MAD1L1: variants seen among roughly 807,000 people sequenced by gnomAD.
The protein encoded by MAD1L1 is mitotic spindle assembly checkpoint protein MAD1.
In MAD1L1, 95 loss-of-function variants were observed where a neutral mutation model predicts 96.9. The observed-to-expected ratio is 0.98, with a 90% CI of 0.83 to 1.16. The LOEUF (loss-of-function observed/expected upper bound fraction) is 1.16. Among genes scored for constraint, MAD1L1 ranks in the 50% most tolerant of loss-of-function variants. The pLI, the probability that MAD1L1 is intolerant of heterozygous loss-of-function variation, is 0.00. For missense variants in MAD1L1, 1,007 were observed against 954.4 expected, an observed-to-expected ratio of 1.06 and a Z score of -0.73; for synonymous variants, 473 against 396.6, an observed-to-expected ratio of 1.19 and a Z score of -2.29.
chr7:2,083,520 G>T (rs1313445644), intron 11 of MAD1L1, among the ~76,000 whole-genome samples: 1 of 152,236 alleles, frequency 6.6e-6, no homozygotes, highest in Admixed American at 6.5e-5. Context: ...TCAGCACTCG[G>T]GCAGGTAAAT....
chr7:1,989,788 T>C (rs1781324849), intron 14 of MAD1L1, among the ~76,000 whole-genome samples: 1 of 152,202 alleles, frequency 6.6e-6, no homozygotes, highest in Non-Finnish European at 1.5e-5. Context: ...AGCCTCAGTG[T>C]AGGCCGGCTG....
At position 2,112,702 on chromosome 7, in the gene MAD1L1, C is replaced by T. The variant is rs532074122; in HGVS notation, c.1073+36450G>A. Among the ~76,000 whole-genome samples, 537 of 152,304 alleles carry T rather than the reference C, an allele frequency of 3.5e-3. 2 individuals are homozygous for T. The highest frequency in any genetic ancestry group is 3.8e-3 in the Non-Finnish European group (261 of 68,026). ...GGGTGTCCACCGAGGGGCCCTGGGGCCCTGACACACCCGGAGCAGGCAGCA... is the reference window on the plus strand; with the variant it reads ...GGGTGTCCACCGAGGGGCCCTGGGGTCCTGACACACCCGGAGCAGGCAGCA... On this transcript the variant is annotated intron_variant, in intron 11 of 18. Coordinates refer to ENST00000265854, the MANE Select transcript of MAD1L1 (RefSeq NM_001013836.2).
At chr7:1,855,888 G>C (rs1784224447) in intron 18 of MAD1L1, among the ~76,000 whole-genome samples, 1 of 152,170 alleles carries the variant, frequency 6.6e-6, no homozygotes, top group South Asian at 2.1e-4. Context: ...CCAGCTGCTG[G>C]AACCCCACAG....
intron 10 of MAD1L1, among the ~76,000 whole-genome samples, chr7:2,186,270 G>C (rs1791455338): frequency 1.3e-5 from 2 of 152,180 alleles, no homozygotes; most frequent in Admixed American, 1.3e-4. Context: ...CACTAAATCT[G>C]TGTGTTAATA....
intron 10 of MAD1L1, among the ~76,000 whole-genome samples, chr7:2,178,181 C>G (rs1006989907): frequency 2.1e-4 from 32 of 152,232 alleles, no homozygotes; most frequent in African/African-American, 7.2e-4. Flanking sequence ...ATTTGTTGAA[C>G]TCAGCTTTGA....
At chr7:2,098,113 G>A (rs1786589168) in intron 11 of MAD1L1, among the ~76,000 whole-genome samples, 1 of 152,200 alleles carries the variant, frequency 6.6e-6, no homozygotes, top group Non-Finnish European at 1.5e-5. Context: ...ACAGATCAGT[G>A]AGGACGCCCG....
chr7:2,189,579 G>A (rs542758607), intron 10 of MAD1L1, among the ~76,000 whole-genome samples: 1 of 152,240 alleles, frequency 6.6e-6, no homozygotes, highest in African/African-American at 2.4e-5. Context: ...CCTTCTATGA[G>A]GTCCCTACTG....
intron 16 of MAD1L1, among the ~76,000 whole-genome samples, chr7:1,943,526 G>A (rs1015696398): frequency 3.3e-5 from 5 of 152,274 alleles, no homozygotes; most frequent in East Asian, 1.9e-4. Context: ...AAGCTGCTCG[G>A]CATCATCCGG....
chr7:2,196,509 T>C (rs1338586752), intron 10 of MAD1L1, among the ~76,000 whole-genome samples: 4 of 152,368 alleles, frequency 2.6e-5, no homozygotes, highest in Middle Eastern at 3.4e-3. Context: ...TTTTCATTGT[T>C]TAAAGCTGTC....
chr7:1,872,901 C>T (rs1785181208), intron 18 of MAD1L1: 1 of 152,402 alleles, frequency 6.6e-6, no homozygotes, highest in Admixed American at 6.5e-5. Context: ...TCAATTCAAA[C>T]ACCCAGGGTG....
At chr7:2,178,649 G>C (rs1024409692) in intron 10 of MAD1L1, among the ~76,000 whole-genome samples, 1 of 152,080 alleles carries the variant, frequency 6.6e-6, no homozygotes, top group Non-Finnish European at 1.5e-5. Context: ...GTAATCCTAG[G>C]ACTCTGGGAG....
At chr7:1,872,676 T>A (rs925183368) in intron 18 of MAD1L1, 1 of 152,316 alleles carries the variant, frequency 6.6e-6, no homozygotes, top group African/African-American at 2.4e-5. Context: ...TCCTCCTGGC[T>A]GCGGACTCCT....
chr7:2,201,483 CCA>C (rs1169865841), intron 10 of MAD1L1, among the ~76,000 whole-genome samples: 14 of 152,256 alleles, frequency 9.2e-5, no homozygotes, highest in African/African-American at 3.4e-4. Flanking sequence ...AAAAACCAGC[CCA>C]GATACCACCA....
At chr7:2,216,339 C>T (rs73041362) in intron 7 of MAD1L1, 52 bp from the exon 8 acceptor site, 55,185 of 1,582,248 alleles carry the variant, frequency 0.035, 1,133 homozygotes, top group Admixed American at 0.053. Flanking sequence ...ACGAAGAGAC[C>T]TGGAGAAAAT....
chr7:2,176,387 AT>A (rs1170702140), intron 10 of MAD1L1, among the ~76,000 whole-genome samples: 5 of 152,136 alleles, frequency 3.3e-5, no homozygotes, highest in African/African-American at 1.2e-4. Context: ...AATATTGAAC[AT>A]TTTCCCCCAG....
At chr7:2,137,374 G>A (rs951099723) in intron 11 of MAD1L1, among the ~76,000 whole-genome samples, 2 of 152,204 alleles carry the variant, frequency 1.3e-5, no homozygotes, top group Admixed American at 6.5e-5. Context: ...CTTCTCAAAC[G>A]TATATGGCAC....
chr7:1,837,148 G>T (rs1366302349), intron 18 of MAD1L1, among the ~76,000 whole-genome samples: 4 of 152,304 alleles, frequency 2.6e-5, no homozygotes, highest in Middle Eastern at 3.4e-3. Flanking sequence ...TAAATAATTA[G>T]CAGAAGATGT....
At chr7:1,911,263 G>A (rs189111034) in intron 17 of MAD1L1, among the ~76,000 whole-genome samples, 16 of 152,182 alleles carry the variant, frequency 1.1e-4, no homozygotes, top group African/African-American at 2.4e-4. Context: ...ACCTCTGCTC[G>A]GGGTCTTTCT....
At chr7:2,074,612 C>G (rs1785290497) in intron 11 of MAD1L1, among the ~76,000 whole-genome samples, 2 of 152,240 alleles carry the variant, frequency 1.3e-5, no homozygotes, top group Non-Finnish European at 2.9e-5. Flanking sequence ...AAAGAGCTGC[C>G]CCACTTGCCT....
Sources: allele counts gnomAD v4.1 joint callset (sites outside exome capture counted in the v4.1 genomes callset), GRCh38; gene constraint gnomAD v4.1.1; transcripts MANE v1.5; gene names NCBI Gene and HGNC (gene_info 2026-07-23, HGNC 2026-07-21).